NCS1: variants seen among roughly 807,000 people sequenced by gnomAD.
NCS1 encodes neuronal calcium sensor 1, also known as frequenin homolog.
Under a neutral mutation model 28.4 loss-of-function variants are expected in NCS1, and 6 were observed. That is an observed-to-expected ratio of 0.21 (90% CI 0.12 to 0.42). The LOEUF (loss-of-function observed/expected upper bound fraction) is 0.42. Ranked by LOEUF, NCS1 falls within the 10% of genes least tolerant of loss-of-function variation. The pLI is 1.00. For missense variants in NCS1, 131 were observed against 241.4 expected, an observed-to-expected ratio of 0.54 and a Z score of 3.03; for synonymous variants, 86 against 99.3, an observed-to-expected ratio of 0.87 and a Z score of 0.79.
rs1833579167 is a variant in NCS1 at position 130,235,742 on chromosome 9, T to C, written c.*2770T>C. The C allele has an allele frequency of 6.6e-6, 1 of 152,610 alleles. No individual in the cohort carries two copies. Among genetic ancestry groups the C allele is most frequent in the African/African-American group, 2.4e-5 (1 of 41,464 alleles). 9.5% of individuals were successfully genotyped at this position (152,610 alleles called of 1,614,324 possible). A position where few individuals can be genotyped will look rare whatever the true frequency, so the allele number is the denominator to read the frequency against. On this transcript the variant is annotated 3_prime_UTR_variant, in exon 8 of 8. Coordinates refer to ENST00000372398, the MANE Select transcript of NCS1 (RefSeq NM_014286.4). The stretch of plus-strand genomic sequence containing the variant: ...CTGCCCCCTCCTCTCCCCAGGCCTC[T>C]GGCTGCAGTGATGCCGCAGAATCCT...
intron 4 of NCS1, among the ~76,000 whole-genome samples, chr9:130,221,405 TATATATATAGAGAGAGAGAG>T (rs1200498403): frequency 1.2e-4 from 5 of 41,796 alleles, no homozygotes; most frequent in East Asian, 1.0e-3. Context: ...TATATATATA[TATATATATAGAGAGAGAGAG>T]AGAGAGAGAG....
intron 1 of NCS1, among the ~76,000 whole-genome samples, chr9:130,178,998 G>A (rs1417022496): frequency 1.4e-5 from 2 of 144,422 alleles, no homozygotes; most frequent in Admixed American, 1.4e-4. Flanking sequence ...ACGGTGGCAC[G>A]ATCTTGGCTT....
chr9:130,209,901 G>A lies in NCS1; in HGVS notation c.90-7931G>A, dbSNP rs1412526877. ...TCGCAGGCCCCGTTCTTCACAGCCT[G>A]GGCCTGCCTCTGAGGTCTGGCACCA... On this transcript the variant is annotated intron_variant, in intron 2 of 7. Transcript: ENST00000372398. This position sits in a 1 kb window ranked among gnomAD's most constrained non-coding sequence, Gnocchi z 4.4. Among the ~76,000 whole-genome samples, 3 of 152,110 alleles carry A rather than the reference G, an allele frequency of 2.0e-5. No individual in the cohort carries two copies. Among genetic ancestry groups the A allele is most frequent in the Non-Finnish European group, 4.4e-5 (3 of 68,016 alleles).
intron 1 of NCS1, chr9:130,193,704 C>CCGGAAAG (rs1554906477): frequency 1.3e-5 from 2 of 153,074 alleles, no homozygotes; most frequent in Non-Finnish European, 2.9e-5. Flanking sequence ...AGAGCCGCCC[C>CCGGAAAG]CGGAAAGCGT....
At chr9:130,190,063 A>AGAGAGAGAGG (rs1832798287) in intron 1 of NCS1, among the ~76,000 whole-genome samples, 1 of 148,712 alleles carries the variant, frequency 6.7e-6, no homozygotes, top group Non-Finnish European at 1.5e-5. Flanking sequence ...AGAGAGAGAG[A>AGAGAGAGAGG]GAATATATGT....
At chr9:130,188,685 A>C (rs1409679954) in intron 1 of NCS1, among the ~76,000 whole-genome samples, 1 of 150,868 alleles carries the variant, frequency 6.6e-6, no homozygotes, top group Non-Finnish European at 1.5e-5. Context: ...TGCTGGGATT[A>C]CAGGCATGAG....
rs1488567429 is a variant in NCS1, at chr9:130,226,472, C to T, written c.558C>T (p.Tyr186=). 1.7e-5 allele frequency: 28 copies of T among 1,613,558 alleles called. No individual in the cohort carries two copies. The highest frequency in any genetic ancestry group is 2.2e-5 in the South Asian group (2 of 90,990). The change falls in exon 7 of 8, where the codon TAC becomes TAT. Residue 186 remains tyrosine, a synonymous_variant. Transcript: ENST00000372398. The surrounding 1 kb of genome is among the most constrained non-coding windows in gnomAD (Gnocchi z 4.8). ...CCATTGTGCAGGCGCTGTCCCTCTA[C>T]GACGGGCTGGTATAGTCCCAGGCTG... The part of the protein sequence containing the change: ...DPSIVQALSL[Y]DGLV
chr9:130,218,281 TGCACACATGTGG>T (rs1341741407), intron 3 of NCS1, among the ~76,000 whole-genome samples: 1 of 152,200 alleles, frequency 6.6e-6, no homozygotes, highest in African/African-American at 2.4e-5. Context: ...GCGAATACCA[TGCACACATGTGG>T]GCACACATAC....
intron 2 of NCS1, among the ~76,000 whole-genome samples, chr9:130,203,795 T>A (rs899313359): frequency 6.6e-5 from 10 of 152,078 alleles, no homozygotes; most frequent in Admixed American, 5.2e-4. Context: ...ATTCTCACAA[T>A]GACCCAGAGG....
intron 2 of NCS1, among the ~76,000 whole-genome samples, chr9:130,207,710 G>A (rs1404120955): frequency 2.0e-5 from 3 of 152,226 alleles, no homozygotes; most frequent in African/African-American, 7.2e-5. Flanking sequence ...GCACAGGCCA[G>A]GGCACGGCAA....
At position 130,233,861 on chromosome 9, in the gene NCS1, G is replaced by A. The variant is rs192350115; in HGVS notation, c.*889G>A. On this transcript the variant is annotated 3_prime_UTR_variant, in exon 8 of 8. Coordinates refer to ENST00000372398, the MANE Select transcript of NCS1 (RefSeq NM_014286.4). This position sits in a 1 kb window ranked among gnomAD's most constrained non-coding sequence, Gnocchi z 4.8. ...GGGGAGAGGTGGAAATTCCTAAATG[G>A]CTAATGCACTGTTCCCTCCAGCCCG... 1.5e-3 allele frequency: 235 copies of A among 152,084 alleles called. No homozygotes were observed. The highest frequency in any genetic ancestry group is 2.3e-3 in the Non-Finnish European group (153 of 67,994). 9.4% of individuals were successfully genotyped at this position (152,084 alleles called of 1,614,324 possible). A position where few individuals can be genotyped will look rare whatever the true frequency, so the allele number is the denominator to read the frequency against.
rs1016250719 is a variant in NCS1 at position 130,232,015 on chromosome 9, C to T, written c.*18-975C>T. 2.6e-5 allele frequency among the ~76,000 whole-genome samples: 4 copies of T among 151,692 alleles called. No individual in the cohort carries two copies. Among genetic ancestry groups the T allele is most frequent in the East Asian group, 2.0e-4 (1 of 5,096 alleles). On this transcript the variant is annotated intron_variant, in intron 7 of 7. Transcript: ENST00000372398. This position sits in a 1 kb window ranked among gnomAD's most constrained non-coding sequence, Gnocchi z 4.4. ...AGGCTGGAGTGCAGTGATGCAATCT[C>T]GGCTCACTGCAACCTCTGCCTCCCA...
At chr9:130,224,139 C>G (rs1390372737) in intron 6 of NCS1, among the ~76,000 whole-genome samples, 1 of 150,322 alleles carries the variant, frequency 6.7e-6, no homozygotes, top group Non-Finnish European at 1.5e-5. Flanking sequence ...AGCCACCGTG[C>G]CTGGCCAAGA....
rs1359124916 is a variant in NCS1, at chr9:130,192,982, C to T, written c.65-7976C>T. On this transcript the variant is annotated intron_variant, in intron 1 of 7. Coordinates refer to ENST00000372398, the MANE Select transcript of NCS1 (RefSeq NM_014286.4). This position sits in a 1 kb window ranked among gnomAD's most constrained non-coding sequence, Gnocchi z 4.8. ...CAAACTGGGGAAAAAACCGGTCACA[C>T]AGCAACGGAGTGGCAGATCCCTGGA... is the stretch of plus-strand genomic sequence containing the variant. 1.3e-5 allele frequency among the ~76,000 whole-genome samples: 2 copies of T among 152,240 alleles called. No homozygotes were observed. Among genetic ancestry groups the T allele is most frequent in the African/African-American group, 2.4e-5 (1 of 41,472 alleles).
intron 2 of NCS1, among the ~76,000 whole-genome samples, chr9:130,214,018 A>G (rs1554909058): frequency 6.6e-6 from 1 of 152,210 alleles, no homozygotes; most frequent in Non-Finnish European, 1.5e-5. Flanking sequence ...CTGCCTGGCA[A>G]TTTGTGTGTT....
At chr9:130,204,874 G>A (rs1254146653) in intron 2 of NCS1, among the ~76,000 whole-genome samples, 4 of 152,256 alleles carry the variant, frequency 2.6e-5, no homozygotes, top group Middle Eastern at 6.8e-3. Context: ...CGCATTAGGC[G>A]GATGAGGAAA....
intron 2 of NCS1, among the ~76,000 whole-genome samples, chr9:130,214,046 G>A (rs369652304): frequency 5.3e-5 from 8 of 152,326 alleles, no homozygotes; most frequent in South Asian, 4.1e-4. Flanking sequence ...TCACCTCACC[G>A]GACAAACATG....
intron 1 of NCS1, among the ~76,000 whole-genome samples, chr9:130,182,681 G>A (rs1330679697): frequency 1.3e-5 from 2 of 152,244 alleles, no homozygotes; most frequent in Non-Finnish European, 2.9e-5. Context: ...CTGACCGTGT[G>A]TGGGCGCTGG....
chr9:130,194,988 A>T, intron 1 of NCS1, among the ~76,000 whole-genome samples: 1 of 152,160 alleles, frequency 6.6e-6, no homozygotes, highest in East Asian at 1.9e-4. Context: ...TCTGAGGGTG[A>T]TGCTAGGATG....
Sources: allele counts gnomAD v4.1 joint callset (sites outside exome capture counted in the v4.1 genomes callset), GRCh38; gene constraint gnomAD v4.1.1; non-coding constraint Gnocchi (gnomAD v3.1); transcripts MANE v1.5; gene names NCBI Gene and HGNC (gene_info 2026-07-23, HGNC 2026-07-21).